PTCHD1: variants seen among roughly 807,000 people sequenced by gnomAD.
PTCHD1 encodes patched domain containing 1.
Under a neutral mutation model 34.6 loss-of-function variants are expected in PTCHD1, and 3 were observed. The ratio of observed to expected loss-of-function variants is 0.09; its 90% CI spans 0.04 to 0.22. The LOEUF (loss-of-function observed/expected upper bound fraction) is 0.22. Ranked by LOEUF, PTCHD1 falls within the 10% of genes least tolerant of loss-of-function variation. The pLI is 1.00. For missense variants in PTCHD1, 504 were observed against 685.5 expected, an observed-to-expected ratio of 0.74 and a Z score of 2.96; for synonymous variants, 305 against 283.1, an observed-to-expected ratio of 1.08 and a Z score of -0.77.
chrX:23,392,070 C>CTTCCTTTTTTTTTTTTTTT (rs1922848553), intron 2 of PTCHD1, among the ~76,000 whole-genome samples: 4 of 39,479 alleles, frequency 1.0e-4, no homozygotes, highest in African/African-American at 4.6e-4. Flanking sequence ...TTCTTTCTTT[C>CTTCCTTTTTTTTTTTTTTT]TTTCTTTTTT....
At chrX:23,338,722 C>A (rs1007189513) in intron 1 of PTCHD1, among the ~76,000 whole-genome samples, 1 of 111,939 alleles carries the variant, frequency 8.9e-6, no homozygotes, top group Non-Finnish European at 1.9e-5. Context: ...ACTCCAAGCC[C>A]AGTGTGCTTT....
At chrX:23,376,367 C>G (rs909866936) in intron 1 of PTCHD1, among the ~76,000 whole-genome samples, 1 of 112,085 alleles carries the variant, frequency 8.9e-6, no homozygotes, top group African/African-American at 3.2e-5. Flanking sequence ...TTATATGGAT[C>G]GCAGTTGTCC....
At chrX:23,366,138 CT>C (rs1292889130) in intron 1 of PTCHD1, among the ~76,000 whole-genome samples, 1 of 112,187 alleles carries the variant, frequency 8.9e-6, no homozygotes, top group Non-Finnish European at 1.9e-5. Context: ...CATAAACCTT[CT>C]GTCTCCTTCA....
Position 23,392,791 on chromosome X carries a change from C to G in PTCHD1, c.1273C>G (p.Leu425Val). The change falls in exon 3 of 3, where the codon CTA becomes GTA. Residue 425 changes from leucine to valine, a missense_variant. Transcript: ENST00000379361. Reference protein sequence around the residue: ...LYVLSFYGSSLVFTGYIENNY... With the variant: ...LYVLSFYGSSVVFTGYIENNY... Reference sequence around the variant, plus strand: ...TGTACTCTCGTTTTATGGTTCCAGCCTAGTGTTCACTGGCTACATAGAAAA... The same window carrying G: ...TGTACTCTCGTTTTATGGTTCCAGCGTAGTGTTCACTGGCTACATAGAAAA... 1 of 1,211,677 alleles carries G rather than the reference C, an allele frequency of 8.3e-7. No homozygotes were observed. The highest frequency in any genetic ancestry group is 1.1e-6 in the Non-Finnish European group (1 of 895,219).
intron 1 of PTCHD1, among the ~76,000 whole-genome samples, chrX:23,362,668 T>C (rs1922021048): frequency 8.9e-6 from 1 of 112,140 alleles, no homozygotes; most frequent in African/African-American, 3.2e-5. Context: ...TTTGTTCCGT[T>C]GCGGGTGAGG....
intron 1 of PTCHD1, among the ~76,000 whole-genome samples, chrX:23,338,429 C>G (rs1409218574): frequency 1.8e-5 from 2 of 111,886 alleles, no homozygotes; most frequent in Admixed American, 1.9e-4. Flanking sequence ...TAAGTAGGTC[C>G]CTTTGATAAT....
At chrX:23,342,326 TTTTTTTAAAAGAA>T (rs1569132168) in intron 1 of PTCHD1, among the ~76,000 whole-genome samples, 1 of 49,770 alleles carries the variant, frequency 2.0e-5, no homozygotes. Context: ...TTTTTTTTTT[TTTTTTTAAAAGAA>T]TTGGGTACAG....
At chrX:23,336,145 G>A (rs186118381) in intron 1 of PTCHD1, among the ~76,000 whole-genome samples, 1 of 111,806 alleles carries the variant, frequency 8.9e-6, no homozygotes. Context: ...GATGTGGAAA[G>A]TGAGGTTAAT....
intron 1 of PTCHD1, among the ~76,000 whole-genome samples, chrX:23,364,709 C>T (rs1433612541): frequency 8.9e-6 from 1 of 112,329 alleles, no homozygotes. Context: ...CACACACCTA[C>T]TGCCATAACA....
intron 1 of PTCHD1, among the ~76,000 whole-genome samples, chrX:23,365,276 T>C (rs1209071565): frequency 8.9e-6 from 1 of 112,057 alleles, no homozygotes; most frequent in Non-Finnish European, 1.9e-5. Context: ...GGTTGAGTGT[T>C]GTGTGTTCAA....
intron 2 of PTCHD1, 34 bp from the exon 3 acceptor site, chrX:23,392,497 A>T: frequency 1.0e-6 from 1 of 974,982 alleles, no homozygotes; most frequent in Non-Finnish European, 1.5e-6. Context: ...TTAGTTCTTT[A>T]AACTTCTGCT....
chrX:23,353,308 C>T (rs1052961702), intron 1 of PTCHD1, among the ~76,000 whole-genome samples: 2 of 112,483 alleles, frequency 1.8e-5, no homozygotes, highest in African/African-American at 6.5e-5. Context: ...TAAGCTAGGC[C>T]GGGCACAGTG....
chrX:23,392,309 T>A (rs971490391), intron 2 of PTCHD1, among the ~76,000 whole-genome samples: 5 of 110,283 alleles, frequency 4.5e-5, no homozygotes, highest in Non-Finnish European at 9.4e-5. Context: ...AATATGAAGA[T>A]CTTTGCTTCT....
intron 1 of PTCHD1, among the ~76,000 whole-genome samples, chrX:23,343,826 G>T (rs1407060351): frequency 8.9e-6 from 1 of 112,107 alleles, no homozygotes; most frequent in Non-Finnish European, 1.9e-5. Context: ...CTTTCTAATT[G>T]TCTCAAGAAA....
intron 1 of PTCHD1, among the ~76,000 whole-genome samples, chrX:23,357,881 T>C (rs373475798): frequency 2.3e-4 from 26 of 111,311 alleles, no homozygotes; most frequent in Middle Eastern, 4.6e-3. Flanking sequence ...CATTATTTAA[T>C]TCCCACCTAT....
chrX:23,373,214 G>A (rs992291508), intron 1 of PTCHD1, among the ~76,000 whole-genome samples: 1 of 112,773 alleles, frequency 8.9e-6, no homozygotes, highest in East Asian at 2.8e-4. Flanking sequence ...CAGCTTGTTT[G>A]GAGAGTTACA....
rs1002504862 is a variant in PTCHD1, at chrX:23,400,355, G to C, written c.*6170G>C. ...AAAAATTAGCTGGGCGTGGTGGCAC[G>C]TGCCTGTAGTCCCAGCTACTCAGGA... is the stretch of plus-strand genomic sequence containing the variant. On this transcript the variant is annotated 3_prime_UTR_variant, in exon 3 of 3. Transcript: ENST00000379361. The C allele has an allele frequency of 8.9e-6, 1 of 112,013 alleles. No homozygotes were observed. The highest frequency in any genetic ancestry group is 1.9e-5 in the Non-Finnish European group (1 of 53,204). The allele number at this position is 112,013 out of a possible 1,213,427, so 9.2% of individuals were successfully genotyped here.
chrX:23,335,027 G>A lies in PTCHD1; in HGVS notation c.152G>A (p.Ser51Asn). ...ASFSRYQVEESVEHLLAPQHS... is the reference protein window; with the variant it reads ...ASFSRYQVEENVEHLLAPQHS... ...TTCAGCCGCTACCAGGTCGAGGAGAGCGTGGAGCACCTGCTGGCGCCCCAG... is the reference window on the plus strand; with the variant it reads ...TTCAGCCGCTACCAGGTCGAGGAGAACGTGGAGCACCTGCTGGCGCCCCAG... The change falls in exon 1 of 3, where the codon AGC becomes AAC. Residue 51 changes from serine to asparagine, a missense_variant. Coordinates refer to ENST00000379361, the MANE Select transcript of PTCHD1 (RefSeq NM_173495.3). 8.3e-7 allele frequency: 1 copy of A among 1,211,486 alleles called. No homozygotes were observed. Among genetic ancestry groups the A allele is most frequent in the Non-Finnish European group, 1.1e-6 (1 of 895,279 alleles).
chrX:23,377,498 A>G (rs1281738245), intron 1 of PTCHD1, among the ~76,000 whole-genome samples: 1 of 111,269 alleles, frequency 9.0e-6, no homozygotes, highest in East Asian at 2.8e-4. Context: ...CATGGAAGAC[A>G]TTTTGCTCAC....
Sources: allele counts gnomAD v4.1 joint callset (sites outside exome capture counted in the v4.1 genomes callset), GRCh38; gene constraint gnomAD v4.1.1; transcripts MANE v1.5; gene names NCBI Gene and HGNC (gene_info 2026-07-23, HGNC 2026-07-21).